MEP1B: variants seen among roughly 807,000 people sequenced by gnomAD.
The protein encoded by MEP1B is meprin A subunit beta, also known as N-benzoyl-L-tyrosyl-P-amino-benzoic acid hydrolase subunit beta.
Under a neutral mutation model 84.6 loss-of-function variants are expected in MEP1B, and 80 were observed. That is an observed-to-expected ratio of 0.95 (90% CI 0.79 to 1.14). The LOEUF is 1.14. Among genes scored for constraint, MEP1B ranks in the 50% most tolerant of loss-of-function variants. The pLI is 0.00. For missense variants in MEP1B, 766 were observed against 855.1 expected (o/e 0.90, Z 1.30); for synonymous variants, 273 against 288.1 (o/e 0.95, Z 0.53).
At chr18:32,194,726 A>G (rs1034661768) in intron 4 of MEP1B, among the ~76,000 whole-genome samples, 3 of 152,060 alleles carry the variant, frequency 2.0e-5, no homozygotes, top group Non-Finnish European at 4.4e-5. Context: ...TTCATAGACG[A>G]CTGTCCTGAT....
intron 10 of MEP1B, 35 bp from the exon 11 acceptor site, chr18:32,213,081 T>G: frequency 6.3e-7 from 1 of 1,583,296 alleles, no homozygotes; most frequent in South Asian, 1.1e-5. Context: ...GATTTGAACT[T>G]CTTTGTCTTT....
In MEP1B at chr18:32,220,347, G is replaced by T; in HGVS notation, c.*102G>T. 1 of 1,102,052 alleles carries T rather than the reference G, an allele frequency of 9.1e-7. No individual in the cohort carries two copies. The highest frequency in any genetic ancestry group is 1.3e-6 in the Non-Finnish European group (1 of 753,086). 68.3% of individuals were successfully genotyped at this position (1,102,052 alleles called of 1,614,324 possible). ...CAGCCACCTCATTCTTCTAAAAGTGGATATTTTTCTGTAAATAGCTGGAAA... is the reference window on the plus strand; with the variant it reads ...CAGCCACCTCATTCTTCTAAAAGTGTATATTTTTCTGTAAATAGCTGGAAA... On this transcript the variant is annotated 3_prime_UTR_variant, in exon 15 of 15. Coordinates refer to ENST00000269202, the MANE Select transcript of MEP1B (RefSeq NM_005925.3).
intron 2 of MEP1B, 86 bp downstream of exon 2, chr18:32,191,926 A>AATTGATGCT (rs1223721001): frequency 1.3e-6 from 1 of 771,186 alleles, no homozygotes; most frequent in Non-Finnish European, 2.2e-6. Flanking sequence ...ACATATGCAT[A>AATTGATGCT]ATTGATGCAT....
chr18:32,194,666 T>C (rs1195563545), intron 4 of MEP1B, among the ~76,000 whole-genome samples: 2 of 152,180 alleles, frequency 1.3e-5, no homozygotes, highest in Non-Finnish European at 2.9e-5. Context: ...AGGACCCCTT[T>C]CAATGCTGGC....
Position 32,213,485 on chromosome 18 carries a change from T to A in MEP1B, c.1505T>A (p.Leu502Ter), listed in dbSNP as rs1234564095. The A allele has an allele frequency of 4.3e-6, 7 of 1,613,884 alleles. No individual in the cohort carries two copies. Among genetic ancestry groups the A allele is most frequent in the Non-Finnish European group, 5.9e-6 (7 of 1,179,888 alleles). ...TGGCAACAAGCCACAATGACACTTT[T>A]GGATCAAAATCCTGACATTCGACAG... ...CPWQQATMTLLDQNPDIRQRM... is the reference protein window; with the variant it reads ...CPWQQATMTL Residue 502 changes from leucine to a stop codon, truncating the protein, a stop_gained, in exon 11 of 15, where the codon TTG becomes TAG. Coordinates refer to ENST00000269202, the MANE Select transcript of MEP1B (RefSeq NM_005925.3). LOFTEE classifies it high-confidence loss of function.
rs916423605 is a variant in MEP1B at position 32,196,462 on chromosome 18, C to T, written c.250+977C>T. The T allele has an allele frequency of 5.8e-6, 4 of 694,190 alleles. No individual in the cohort carries two copies. Among genetic ancestry groups the T allele is most frequent in the Non-Finnish European group, 1.1e-5 (4 of 376,332 alleles). The allele number at this position is 694,190 out of a possible 1,614,324, so 43.0% of individuals were successfully genotyped here. A position where few individuals can be genotyped will look rare whatever the true frequency, so the allele number is the denominator to read the frequency against. ...GTGCAGCCAGCCCTTCCTTCTGGTG[C>T]TGCAGGGCCGACCGGAAACTCAGCT... On this transcript the variant is annotated intron_variant, in intron 5 of 14. Coordinates refer to ENST00000269202, the MANE Select transcript of MEP1B (RefSeq NM_005925.3). The surrounding 1 kb of genome is among the most constrained non-coding windows in gnomAD (Gnocchi z 4.4).
chr18:32,212,162 T>C (rs967134541), intron 10 of MEP1B, among the ~76,000 whole-genome samples: 5 of 151,162 alleles, frequency 3.3e-5, no homozygotes, highest in Admixed American at 3.3e-4. Flanking sequence ...GTATCTGTAA[T>C]ATATATAATT....
chr18:32,213,145 C>T lies in MEP1B; in HGVS notation c.1165C>T (p.His389Tyr). 6.2e-7 allele frequency: 1 copy of T among 1,613,786 alleles called. No individual in the cohort carries two copies. Among genetic ancestry groups the T allele is most frequent in the East Asian group, 2.2e-5 (1 of 44,880 alleles). The change falls in exon 11 of 15, where the codon CAT (histidine) becomes TAT (tyrosine). Residue 389 changes from histidine to tyrosine, a missense_variant. By Grantham distance (83) the His-to-Tyr change is moderately conservative. Coordinates refer to ENST00000269202, the MANE Select transcript of MEP1B (RefSeq NM_005925.3). Reference sequence around the variant, plus strand: ...ACCCACTGGGAGCTGGCAACTTTATCATGTAACATTGAAAGTGACCAAGAA... The same window carrying T: ...ACCCACTGGGAGCTGGCAACTTTATTATGTAACATTGAAAGTGACCAAGAA... The part of the protein sequence containing the change: ...EIPTGSWQLY[H>Y]VTLKVTKKFR...
intron 14 of MEP1B, among the ~76,000 whole-genome samples, chr18:32,218,706 G>A (rs2041119511): frequency 6.6e-6 from 1 of 152,190 alleles, no homozygotes; most frequent in Non-Finnish European, 1.5e-5. Flanking sequence ...AGGGAGCTCT[G>A]GAGTGGGGAT....
chr18:32,195,290 A>ACAC, intron 4 of MEP1B, 117 bp from the exon 5 acceptor site: 2 of 639,588 alleles, frequency 3.1e-6, no homozygotes, highest in African/African-American at 1.9e-5. Context: ...ACACACACAC[A>ACAC]ATTTGTTTGT....
chr18:32,205,049 C>T (rs2040950674), intron 7 of MEP1B, among the ~76,000 whole-genome samples: 1 of 152,104 alleles, frequency 6.6e-6, no homozygotes, highest in South Asian at 2.1e-4. Context: ...AGGCATAACA[C>T]CTAGGTTAAA....
chr18:32,197,879 T>A (rs1568265249), intron 5 of MEP1B, among the ~76,000 whole-genome samples: 2 of 152,332 alleles, frequency 1.3e-5, no homozygotes, highest in Middle Eastern at 3.4e-3. Context: ...TCTTCAACCC[T>A]TTTCTCCCTC....
In MEP1B at chr18:32,195,462, CA is replaced by C; in HGVS notation, c.228del (p.Tyr77MetfsTer3). The C allele has an allele frequency of 6.2e-7, 1 of 1,610,016 alleles. No homozygotes were observed. Among genetic ancestry groups the C allele is most frequent in the East Asian group, 2.2e-5 (1 of 44,802 alleles). On this transcript the variant is annotated frameshift_variant, in exon 5 of 15. Coordinates refer to ENST00000269202, the MANE Select transcript of MEP1B (RefSeq NM_005925.3). LOFTEE classifies it high-confidence loss of function. ...GEKYRWPHTIPYVLEDSLEMN... is the reference protein window; with the variant it reads ...GEKYRWPHTIXYVLEDSLEMN... ...AAGTATAGATGGCCTCATACCATTC[CA>C]TATGTTCTAGAAGATAGCTTGGGTT...
At position 32,216,877 on chromosome 18, in the gene MEP1B, A is replaced by G. The variant is rs1397256786; in HGVS notation, c.1760-114A>G. Reference sequence around the variant, plus strand: ...TGCAAGATCTCACCTCTAAAAAAAAAAAAGAAAGAAAGAAAAAAGGAAAAA... The same window carrying G: ...TGCAAGATCTCACCTCTAAAAAAAAGAAAGAAAGAAAGAAAAAAGGAAAAA... On this transcript the variant is annotated intron_variant, in intron 12 of 14. Coordinates refer to ENST00000269202, the MANE Select transcript of MEP1B (RefSeq NM_005925.3). 9 of 1,304,250 alleles carry G rather than the reference A, an allele frequency of 6.9e-6. No individual in the cohort carries two copies. In the African/African-American group the frequency reaches 7.5e-5, roughly 11 times the overall value. The allele number at this position is 1,304,250 out of a possible 1,614,324, so 80.8% of individuals were successfully genotyped here.
rs779305943 is a variant in MEP1B, at chr18:32,190,059, G to A, written c.-12G>A. The A allele has an allele frequency of 1.2e-6, 2 of 1,610,936 alleles. No homozygotes were observed. The highest frequency in any genetic ancestry group is 1.7e-5 in the Admixed American group (1 of 59,818). On this transcript the variant is annotated 5_prime_UTR_variant, in exon 1 of 15. Coordinates refer to ENST00000269202, the MANE Select transcript of MEP1B (RefSeq NM_005925.3). ...ATGTCATAGTTAGCTACTTTCAACT[G>A]GAAGCTACAACATGGATTTATGGAA...
At chr18:32,199,692 C>CT (rs2040891906) in intron 5 of MEP1B, among the ~76,000 whole-genome samples, 3 of 141,492 alleles carry the variant, frequency 2.1e-5, no homozygotes, top group African/African-American at 7.9e-5. Context: ...TCCTTCCTTC[C>CT]TTCCTTCCTT....
chr18:32,207,458 C>T lies in MEP1B; in HGVS notation c.754C>T (p.Leu252=), dbSNP rs200451028. Residue 252 remains leucine (L), a synonymous_variant, in exon 8 of 15, where the codon CTG becomes TTG. Coordinates refer to ENST00000269202, the MANE Select transcript of MEP1B (RefSeq NM_005925.3). The stretch of plus-strand genomic sequence containing the variant: ...CTCTGATCTCCTAAAGTTGAATCAA[C>T]TGTATAACTGCTGTATGTGACAGGT... ...SDSDLLKLNQ[L]YNCSSSLSFM... 2.9e-5 allele frequency: 46 copies of T among 1,605,854 alleles called. No individual in the cohort carries two copies. The highest frequency in any genetic ancestry group is 3.4e-5 in the Non-Finnish European group (40 of 1,174,028).
chr18:32,204,418 T>G, intron 7 of MEP1B, 58 bp downstream of exon 7: 1 of 1,389,218 alleles, frequency 7.2e-7, no homozygotes, highest in Admixed American at 2.0e-5. Flanking sequence ...TAAGCATGTG[T>G]CCTCTCTTGT....
chr18:32,215,880 TA>T (rs1170379436), intron 12 of MEP1B, among the ~76,000 whole-genome samples: 3 of 151,342 alleles, frequency 2.0e-5, no homozygotes, highest in Non-Finnish European at 4.4e-5. Context: ...ATTCCTGAAA[TA>T]AAAATATCAC....
Sources: gnomAD v4.1 joint callset for allele counts (sites outside exome capture counted in the v4.1 genomes callset) on GRCh38, gnomAD v4.1.1 for gene constraint, Gnocchi (gnomAD v3.1) non-coding constraint, MANE v1.5 for transcripts, NCBI Gene and HGNC (gene_info 2026-07-23, HGNC 2026-07-21) for gene names.